Variants in CCDC73 observed in about 807,000 individuals in gnomAD.
The protein encoded by CCDC73 is coiled-coil domain-containing protein 73.
A neutral mutation model predicts 116.5 loss-of-function variants in CCDC73; 95 were observed. The observed-to-expected ratio is 0.82, with a 90% CI of 0.69 to 0.97. CCDC73 has a LOEUF of 0.97. CCDC73 is among the 50% of genes least tolerant of loss of function. The pLI is 0.00. For missense variants in CCDC73, 1,066 were observed against 1,206.8 expected (o/e 0.88, Z 1.73); for synonymous variants, 398 against 401.3 (o/e 0.99, Z 0.10).
intron 1 of CCDC73, among the ~76,000 whole-genome samples, chr11:32,773,648 G>A (rs559391509): frequency 6.6e-6 from 1 of 151,892 alleles, no homozygotes; most frequent in South Asian, 2.1e-4. Flanking sequence ...AGTCAGGCAT[G>A]GTGGCACACA....
chr11:32,712,650 A>G (rs1849910272), intron 3 of CCDC73, among the ~76,000 whole-genome samples: 1 of 152,024 alleles, frequency 6.6e-6, no homozygotes, highest in South Asian at 2.1e-4. Flanking sequence ...TGCACAAACT[A>G]TACAATAATA....
chr11:32,653,999 G>A lies in CCDC73; in HGVS notation c.813C>T (p.Thr271=). Residue 271 remains threonine (T), a synonymous_variant, in exon 11 of 18, where the codon ACC becomes ACT. Transcript: ENST00000335185. ...ELNEKINEEI[T]HIQEEKQDII... ...TTACCTGTTTTTCTTCTTGAATATG[G>A]GTAATCTCTTCATTAATCTTCTCAT... 1 of 1,597,432 alleles carries A rather than the reference G, an allele frequency of 6.3e-7. No homozygotes were observed. Among genetic ancestry groups the A allele is most frequent in the South Asian group, 1.1e-5 (1 of 89,150 alleles).
the CCDC73 span, among the ~76,000 whole-genome samples, chr11:32,825,010 AG>A: frequency 6.6e-6 from 1 of 152,204 alleles, no homozygotes; most frequent in African/African-American, 2.4e-5. Context: ...GCTGGAGCCC[AG>A]GAGGTTGAGG....
chr11:32,815,958 A>T, the CCDC73 span, among the ~76,000 whole-genome samples: 2 of 152,174 alleles, frequency 1.3e-5, no homozygotes, highest in African/African-American at 4.8e-5. Context: ...GAGGTTGATG[A>T]CTATTTTGGA....
At chr11:32,819,694 C>T in the CCDC73 span, among the ~76,000 whole-genome samples, 1 of 152,134 alleles carries the variant, frequency 6.6e-6, no homozygotes, top group Non-Finnish European at 1.5e-5. Context: ...CATCTGGGCT[C>T]AAGTGATCCT....
At chr11:32,777,450 T>C (rs1184730828) in intron 1 of CCDC73, among the ~76,000 whole-genome samples, 1 of 152,132 alleles carries the variant, frequency 6.6e-6, no homozygotes, top group African/African-American at 2.4e-5. Context: ...TTTCTAAAAC[T>C]GTTTCCTAAT....
At chr11:32,612,939 T>C (rs567403941) in intron 16 of CCDC73, among the ~76,000 whole-genome samples, 2 of 152,324 alleles carry the variant, frequency 1.3e-5, no homozygotes, top group Admixed American at 1.3e-4. Flanking sequence ...CTATTCTCTT[T>C]AACATCTGAA....
chr11:32,654,951 C>T lies in CCDC73; in HGVS notation c.667G>A (p.Asp223Asn). Residue 223 changes from aspartate to asparagine, a missense_variant, in exon 10 of 18, where the codon GAC (aspartate) becomes AAC (asparagine). By Grantham distance (23) the Asp-to-Asn change is conservative (BLOSUM62 1). Coordinates refer to ENST00000335185, the MANE Select transcript of CCDC73 (RefSeq NM_001008391.4). Reference protein sequence around the residue: ...LKKELKKAASDLIKSKVTCQY... With the variant: ...LKKELKKAASNLIKSKVTCQY... ...CATGTGACTTTGGACTTTATCAAGT[C>T]TGAGGCTGCTTTTTTTAGTTCCTTA... 6.3e-7 allele frequency: 1 copy of T among 1,594,772 alleles called. No individual in the cohort carries two copies. The highest frequency in any genetic ancestry group is 8.5e-7 in the Non-Finnish European group (1 of 1,175,148).
chr11:32,708,275 A>G (rs1400084986), intron 3 of CCDC73, among the ~76,000 whole-genome samples: 1 of 152,088 alleles, frequency 6.6e-6, no homozygotes, highest in Non-Finnish European at 1.5e-5. Flanking sequence ...GCCTATTTTT[A>G]TACCAGTATC....
intron 9 of CCDC73, among the ~76,000 whole-genome samples, chr11:32,666,344 A>C (rs1019224309): frequency 3.3e-5 from 5 of 152,162 alleles, no homozygotes; most frequent in African/African-American, 4.8e-5. Flanking sequence ...TATTTCTTGG[A>C]GGCTTTATTC....
intron 2 of CCDC73, among the ~76,000 whole-genome samples, chr11:32,724,557 T>C (rs1407798109): frequency 2.2e-5 from 3 of 137,120 alleles, no homozygotes; most frequent in African/African-American, 8.2e-5. Flanking sequence ...TATATTTTGT[T>C]TTAAAACTTT....
chr11:32,770,895 A>T (rs1360942289), intron 1 of CCDC73, among the ~76,000 whole-genome samples: 1 of 152,232 alleles, frequency 6.6e-6, no homozygotes, highest in Non-Finnish European at 1.5e-5. Context: ...ATCGTTTAAC[A>T]TCCAATCAAC....
At chr11:32,743,539 G>C (rs1057232183) in intron 2 of CCDC73, among the ~76,000 whole-genome samples, 4 of 148,016 alleles carry the variant, frequency 2.7e-5, no homozygotes, top group Non-Finnish European at 4.5e-5. Flanking sequence ...GCAGTGTATA[G>C]AGTGTTTGTT....
intron 14 of CCDC73, among the ~76,000 whole-genome samples, chr11:32,629,885 G>A (rs1590555011): frequency 1.2e-5 from 1 of 85,450 alleles, no homozygotes. Flanking sequence ...CACCTTTTCA[G>A]ACAAACAAAA....
At chr11:32,707,865 C>T (rs1047183221) in intron 3 of CCDC73, among the ~76,000 whole-genome samples, 3 of 152,130 alleles carry the variant, frequency 2.0e-5, no homozygotes, top group Non-Finnish European at 2.9e-5. Flanking sequence ...TCTGAAATCA[C>T]CCCCACCTCT....
chr11:32,785,570 T>A (rs1180341566), intron 1 of CCDC73, among the ~76,000 whole-genome samples: 1 of 151,818 alleles, frequency 6.6e-6, no homozygotes, highest in African/African-American at 2.4e-5. Context: ...CCCAGTGAAT[T>A]TTTTATTTTT....
At chr11:32,764,120 AC>A (rs1216391315) in intron 1 of CCDC73, among the ~76,000 whole-genome samples, 1 of 152,230 alleles carries the variant, frequency 6.6e-6, no homozygotes, top group Non-Finnish European at 1.5e-5. Context: ...ATGTGAAAAG[AC>A]CAAATCTATG....
intron 1 of CCDC73, among the ~76,000 whole-genome samples, chr11:32,761,225 CT>C (rs971062886): frequency 2.8e-4 from 42 of 150,654 alleles, no homozygotes; most frequent in South Asian, 2.1e-3. Context: ...TAACCTATAG[CT>C]TTTTTTTTAA....
rs538278096 is a variant in CCDC73 at position 32,702,446 on chromosome 11, T to C, written c.279+427A>G. Among the ~76,000 whole-genome samples, 6 of 152,306 alleles carry C rather than the reference T, an allele frequency of 3.9e-5. No homozygotes were observed. The South Asian group carries it at 1.2e-3, about 32-fold the overall frequency. On this transcript the variant is annotated intron_variant, in intron 4 of 17. Transcript: ENST00000335185. ...GGCTACAGTGCATAATAATCATCTCTTCTAATCCTTGTCATCTCCCTACTT... is the reference window on the plus strand; with the variant it reads ...GGCTACAGTGCATAATAATCATCTCCTCTAATCCTTGTCATCTCCCTACTT...
Sources: allele counts gnomAD v4.1 joint callset (sites outside exome capture counted in the v4.1 genomes callset), GRCh38; gene constraint gnomAD v4.1.1; transcripts MANE v1.5; gene names NCBI Gene and HGNC (gene_info 2026-07-23, HGNC 2026-07-21).